The following CCDC30 variants were observed in gnomAD, a reference collection of about 807,000 sequenced individuals.
CCDC30 encodes coiled-coil domain-containing protein 30.
Under a neutral mutation model 100.2 loss-of-function variants are expected in CCDC30, and 70 were observed. The observed-to-expected ratio is 0.70, with a 90% CI of 0.58 to 0.85. CCDC30 has a LOEUF of 0.85. CCDC30 is among the 40% of genes least tolerant of loss of function. The pLI is 0.00. For missense variants in CCDC30, 652 were observed against 771.2 expected (o/e 0.85, Z 1.83); for synonymous variants, 233 against 269.5 (o/e 0.86, Z 1.33).
intron 6 of CCDC30, among the ~76,000 whole-genome samples, chr1:42,557,856 G>C (rs1645404706): frequency 6.6e-6 from 1 of 150,558 alleles, no homozygotes; most frequent in Non-Finnish European, 1.5e-5. Context: ...GCATCATCTG[G>C]TCTTATGTCT....
intron 11 of CCDC30, among the ~76,000 whole-genome samples, chr1:42,619,256 C>T (rs1646784799): frequency 6.6e-6 from 1 of 152,102 alleles, no homozygotes; most frequent in South Asian, 2.1e-4. Context: ...CAAAATGATT[C>T]TTTTATGTAC....
intron 6 of CCDC30, among the ~76,000 whole-genome samples, chr1:42,557,791 G>A (rs976577916): frequency 6.8e-6 from 1 of 147,982 alleles, no homozygotes; most frequent in Admixed American, 6.8e-5. Flanking sequence ...GTTCCAATTT[G>A]TTTTATTTTA....
upstream of CCDC30, chr1:42,459,890 G>T: frequency 6.2e-7 from 1 of 1,613,086 alleles, no homozygotes; most frequent in Non-Finnish European, 8.5e-7. Context: ...ATAATCTTCA[G>T]TCTCGACACA....
At chr1:42,463,420 C>CA (rs1186590455) in exon 1 of CCDC30, 1 of 152,260 alleles carries the variant, frequency 6.6e-6, no homozygotes, top group African/African-American at 2.4e-5. Flanking sequence ...GCCTCAGCCC[C>CA]AAGGAGGAAA....
intron 6 of CCDC30, among the ~76,000 whole-genome samples, chr1:42,528,170 C>G: frequency 6.6e-6 from 1 of 152,154 alleles, no homozygotes; most frequent in East Asian, 1.9e-4. Context: ...CCGGCCTCCT[C>G]TACCTTTTCT....
chr1:42,611,710 T>C (rs1646628429), intron 11 of CCDC30, among the ~76,000 whole-genome samples: 1 of 152,150 alleles, frequency 6.6e-6, no homozygotes, highest in South Asian at 2.1e-4. Flanking sequence ...AGGATCTCAC[T>C]CTGTCACCCA....
intron 6 of CCDC30, among the ~76,000 whole-genome samples, chr1:42,510,651 C>T (rs1004128934): frequency 2.9e-5 from 4 of 136,382 alleles, no homozygotes; most frequent in African/African-American, 7.8e-5. Context: ...AGCAAGACTC[C>T]GTTTCAAAAA....
At chr1:42,514,389 T>C (rs4292992) in intron 6 of CCDC30, among the ~76,000 whole-genome samples, 20,699 of 152,178 alleles carry the variant, frequency 0.14, 1,549 homozygotes, top group East Asian at 0.18. Flanking sequence ...AGTTTCTCCA[T>C]ATCTTCTCCA....
At chr1:42,582,804 T>G (rs1431416371) in intron 9 of CCDC30, among the ~76,000 whole-genome samples, 1 of 152,204 alleles carries the variant, frequency 6.6e-6, no homozygotes, top group Non-Finnish European at 1.5e-5. Context: ...ATCATATTGG[T>G]AAAGCCATGT....
chr1:42,505,706 C>G (rs1475242138), intron 6 of CCDC30, among the ~76,000 whole-genome samples: 1 of 152,156 alleles, frequency 6.6e-6, no homozygotes, highest in Non-Finnish European at 1.5e-5. Flanking sequence ...GGGTTTTTAT[C>G]CTTAAATACC....
At chr1:42,580,818 A>G (rs550356421) in intron 8 of CCDC30, 8 of 456,168 alleles carry the variant, frequency 1.8e-5, no homozygotes, top group African/African-American at 1.6e-4. Flanking sequence ...AGAGACTTCT[A>G]TTTTGTTTTG....
upstream of CCDC30, chr1:42,459,848 A>G: frequency 1.2e-6 from 2 of 1,614,228 alleles, no homozygotes; most frequent in Middle Eastern, 1.7e-4. Flanking sequence ...AAGAAATAGA[A>G]AAAGGCGTAG....
At chr1:42,493,414 C>T (rs1368254811) in intron 4 of CCDC30, among the ~76,000 whole-genome samples, 2 of 151,858 alleles carry the variant, frequency 1.3e-5, no homozygotes, top group East Asian at 3.9e-4. Flanking sequence ...ATGGTGAAAC[C>T]CCGTGTCTAC....
chr1:42,613,522 G>A (rs112584274), intron 11 of CCDC30, among the ~76,000 whole-genome samples: 19,098 of 152,128 alleles, frequency 0.13, 1,381 homozygotes, highest in East Asian at 0.28. Flanking sequence ...CCAAAGTGCT[G>A]GGATTACAGG....
In CCDC30 at chr1:42,520,209, G is replaced by A. The variant is rs111488421; in HGVS notation, c.456+21293G>A. The stretch of plus-strand genomic sequence containing the variant: ...TTGTGAAGTTAGCTTGTTGATTTGA[G>A]ATCTTTCTTATTTTTTACTGTAAGC... On this transcript the variant is annotated intron_variant, in intron 6 of 16. Transcript: ENST00000668663. Among the ~76,000 whole-genome samples, 924 of 151,866 alleles carry A rather than the reference G, an allele frequency of 6.1e-3. 6 individuals are homozygous for A. Among genetic ancestry groups the A allele is most frequent in the African/African-American group, 0.021 (862 of 41,410 alleles).
intron 14 of CCDC30, among the ~76,000 whole-genome samples, chr1:42,645,242 CT>C (rs1464218524): frequency 6.6e-6 from 1 of 152,010 alleles, no homozygotes; most frequent in African/African-American, 2.4e-5. Context: ...CTCAACAGCA[CT>C]GTTTGCCATG....
chr1:42,609,114 C>T (rs1352521738), intron 10 of CCDC30, among the ~76,000 whole-genome samples: 1 of 152,032 alleles, frequency 6.6e-6, no homozygotes. Flanking sequence ...TCCTGCCTTC[C>T]CTTCCACCTT....
chr1:42,638,559 C>CAAAAAAA (rs55773821), intron 12 of CCDC30, among the ~76,000 whole-genome samples: 1 of 116,414 alleles, frequency 8.6e-6, no homozygotes, highest in Non-Finnish European at 1.8e-5. Flanking sequence ...CACCCATGGG[C>CAAAAAAA]AAAAAAAAAA....
chr1:42,483,651 T>G (rs905617973), intron 3 of CCDC30, among the ~76,000 whole-genome samples: 2 of 152,226 alleles, frequency 1.3e-5, no homozygotes, highest in Admixed American at 1.3e-4. Context: ...TTGTTGTTAC[T>G]CGTTTGGATA....
Sources: gnomAD v4.1 joint callset for allele counts (sites outside exome capture counted in the v4.1 genomes callset) on GRCh38, gnomAD v4.1.1 for gene constraint, MANE v1.5 for transcripts, NCBI Gene and HGNC (gene_info 2026-07-23, HGNC 2026-07-21) for gene names.